The following MRPL3 variants were observed in gnomAD, a reference collection of about 807,000 sequenced individuals.
MRPL3 encodes the protein mitochondrial ribosomal protein L3.
Under a neutral mutation model 44.3 loss-of-function variants are expected in MRPL3, and 43 were observed. The observed-to-expected ratio is 0.97, with a 90% CI of 0.76 to 1.25. MRPL3 has a LOEUF of 1.25. Among genes scored for constraint, MRPL3 ranks in the 50% most tolerant of loss-of-function variants. MRPL3 has a pLI of 0.00. For synonymous variants in MRPL3, 171 were observed against 152.3 expected (o/e 1.12, Z -0.91); for missense variants, 406 against 427.6 (o/e 0.95, Z 0.45).
At position 131,484,443 on chromosome 3, in the gene MRPL3, C is replaced by T. The variant is rs528067215; in HGVS notation, c.629+3237G>A. Among the ~76,000 whole-genome samples the T allele has an allele frequency of 1.1e-4, 17 of 152,306 alleles. No homozygotes were observed. In the East Asian group the frequency reaches 3.1e-3, roughly 28 times the overall value. ...CTGCTCCAGCCTATAAATCCATGTC[C>T]TTTCATCACTCCCTTAACCATGGCA... On this transcript the variant is annotated intron_variant, in intron 6 of 9. Transcript: ENST00000264995.
chr3:131,468,356 T>C (rs1490515264), intron 8 of MRPL3, among the ~76,000 whole-genome samples, 188 bp from the exon 9 acceptor site: 1 of 152,118 alleles, frequency 6.6e-6, no homozygotes, highest in African/African-American at 2.4e-5. Context: ...AGCAAATATA[T>C]CTTATGGAAG....
intron 6 of MRPL3, among the ~76,000 whole-genome samples, chr3:131,482,986 C>CTT (rs3033337): frequency 7.1e-6 from 1 of 140,752 alleles, no homozygotes. Context: ...TTTCATTCTT[C>CTT]TTTTTTTTTT....
At chr3:131,485,893 A>T (rs1934107000) in intron 6 of MRPL3, among the ~76,000 whole-genome samples, 1 of 152,192 alleles carries the variant, frequency 6.6e-6, no homozygotes, top group African/African-American at 2.4e-5. Context: ...TGTGATTACA[A>T]ACTTATCCCA....
chr3:131,497,808 A>T (rs1286998615), intron 4 of MRPL3, among the ~76,000 whole-genome samples: 1 of 152,220 alleles, frequency 6.6e-6, no homozygotes, highest in Non-Finnish European at 1.5e-5. Flanking sequence ...GAAACATAAA[A>T]CAATAACAAA....
chr3:131,502,881 G>T lies in MRPL3; in HGVS notation c.-60C>A. On this transcript the variant is annotated 5_prime_UTR_variant, in exon 1 of 10. Transcript: ENST00000264995. ...GGGCGCCCTGCCGCTCTGCTTTCAG[G>T]GAGTCCCCACGCCACCGCCACGTGG... is the stretch of plus-strand genomic sequence containing the variant. 6.6e-7 allele frequency: 1 copy of T among 1,509,270 alleles called. No individual in the cohort carries two copies. The highest frequency in any genetic ancestry group is 9.1e-7 in the Non-Finnish European group (1 of 1,095,336). The allele number at this position is 1,509,270 out of a possible 1,614,324, so 93.5% of individuals were successfully genotyped here.
intron 6 of MRPL3, among the ~76,000 whole-genome samples, chr3:131,476,681 C>T (rs1186173003): frequency 6.6e-6 from 1 of 152,092 alleles, no homozygotes; most frequent in Admixed American, 6.6e-5. Context: ...AGTATCTATA[C>T]TAAAATATAG....
intron 6 of MRPL3, among the ~76,000 whole-genome samples, chr3:131,485,869 T>A (rs1199342662): frequency 6.6e-6 from 1 of 152,180 alleles, no homozygotes; most frequent in Non-Finnish European, 1.5e-5. Context: ...TAAAAGGTGC[T>A]CTGGCTCAAT....
intron 7 of MRPL3, among the ~76,000 whole-genome samples, chr3:131,470,768 C>T (rs1390765149): frequency 6.6e-6 from 1 of 152,070 alleles, no homozygotes; most frequent in African/African-American, 2.4e-5. Flanking sequence ...CATTTTCATA[C>T]TTTAACGCCC....
At chr3:131,498,118 C>T (rs780809618) in intron 4 of MRPL3, 61 bp downstream of exon 4, 115 of 1,153,140 alleles carry the variant, frequency 1.0e-4, no homozygotes, top group Middle Eastern at 9.7e-4. Flanking sequence ...AAAACATAAA[C>T]TCATCCAGAT....
rs369296340 is a variant in MRPL3 at position 131,494,634 on chromosome 3, AAAT to A, written c.468+3542_468+3544del. ...TAAGTAACTTTTTAGACTAAACCAT[AAAT>A]AGAACCAAGGTAAAACATACTTCTC... On this transcript the variant is annotated intron_variant, in intron 4 of 9. Coordinates refer to ENST00000264995, the MANE Select transcript of MRPL3 (RefSeq NM_007208.4). 2.5e-3 allele frequency among the ~76,000 whole-genome samples: 377 copies of A among 152,310 alleles called. 6 individuals carry two copies. In the South Asian group the frequency reaches 0.032, roughly 13 times the overall value.
Position 131,462,392 on chromosome 3 carries a change from A to C in MRPL3, c.*331T>G, listed in dbSNP as rs1933509989. The C allele has an allele frequency of 5.5e-6, 1 of 181,256 alleles. No homozygotes were observed. Among genetic ancestry groups the C allele is most frequent in the African/African-American group, 2.3e-5 (1 of 42,626 alleles). The allele number at this position is 181,256 out of a possible 1,614,324, so 11.2% of individuals were successfully genotyped here. On this transcript the variant is annotated 3_prime_UTR_variant, in exon 10 of 10. Transcript: ENST00000264995. ...ACCACTATTTCACAAAGATTGACAA[A>C]ACTTTAATAAAAGTTAAATTTACAG... is the stretch of plus-strand genomic sequence containing the variant.
At chr3:131,477,498 A>T (rs1201061810) in intron 6 of MRPL3, among the ~76,000 whole-genome samples, 1 of 152,226 alleles carries the variant, frequency 6.6e-6, no homozygotes, top group East Asian at 1.9e-4. Flanking sequence ...TCTTTTACTA[A>T]AACAGTTTTT....
chr3:131,464,347 T>C (rs921540927), intron 9 of MRPL3, among the ~76,000 whole-genome samples: 2 of 152,208 alleles, frequency 1.3e-5, no homozygotes, highest in African/African-American at 4.8e-5. Context: ...CTAAGTATTA[T>C]AATTCATGGA....
intron 4 of MRPL3, among the ~76,000 whole-genome samples, chr3:131,492,583 C>T (rs555290951): frequency 1.4e-4 from 21 of 152,272 alleles, no homozygotes; most frequent in African/African-American, 4.8e-4. Flanking sequence ...ATCTGACTGA[C>T]AGGAGGTAGA....
intron 6 of MRPL3, among the ~76,000 whole-genome samples, chr3:131,484,188 T>A (rs372850537): frequency 1.3e-5 from 2 of 151,770 alleles, no homozygotes; most frequent in East Asian, 3.9e-4. Context: ...GGTAGAGGAG[T>A]GAGGAGGAAA....
At position 131,468,129 on chromosome 3, in the gene MRPL3, T is replaced by C. The variant is rs1309239020; in HGVS notation, c.856A>G (p.Asn286Asp). 1.3e-6 allele frequency: 2 copies of C among 1,596,944 alleles called. No homozygotes were observed. Among genetic ancestry groups the C allele is most frequent in the Admixed American group, 1.8e-5 (1 of 56,676 alleles). ...TTTTTATGTCCAGGTACAGAGCCATTTACATAGATTATGTTGTGCTTTGTG... is the reference window on the plus strand; with the variant it reads ...TTTTTATGTCCAGGTACAGAGCCATCTACATAGATTATGTTGTGCTTTGTG... ...INTKHNIIYVNGSVPGHKNCL... is the reference protein window; with the variant it reads ...INTKHNIIYVDGSVPGHKNCL... The change falls in exon 9 of 10, where the codon AAT becomes GAT. Residue 286 changes from asparagine (N) to aspartate (D), a missense_variant. Physicochemically the swap from Asn to Asp is conservative, Grantham distance 23 (BLOSUM62 1). Coordinates refer to ENST00000264995, the MANE Select transcript of MRPL3 (RefSeq NM_007208.4).
intron 1 of MRPL3, 78 bp downstream of exon 1, chr3:131,502,652 G>A: frequency 8.1e-7 from 1 of 1,235,594 alleles, no homozygotes; most frequent in South Asian, 1.4e-5. Flanking sequence ...CTCCACCCAG[G>A]GGAGGCCCAA....
At chr3:131,496,872 T>C (rs1934380959) in intron 4 of MRPL3, among the ~76,000 whole-genome samples, 2 of 152,212 alleles carry the variant, frequency 1.3e-5, no homozygotes, top group African/African-American at 2.4e-5. Context: ...CCTCACACAC[T>C]ACCTTGATAG....
In MRPL3 at chr3:131,463,225, C is replaced by A. The variant is rs1654351950; in HGVS notation, c.895-350G>T. Reference sequence around the variant, plus strand: ...TTCATTTTCAAATATAATGACCTGACAAACTAGCATTTTTGTTAGTCTTAA... The same window carrying A: ...TTCATTTTCAAATATAATGACCTGAAAAACTAGCATTTTTGTTAGTCTTAA... On this transcript the variant is annotated intron_variant, in intron 9 of 9. Transcript: ENST00000264995. Among the ~76,000 whole-genome samples the A allele has an allele frequency of 2.0e-5, 3 of 152,056 alleles. No homozygotes were observed. In the South Asian group the frequency reaches 6.2e-4, roughly 31 times the overall value.
Sources: gnomAD v4.1 joint callset for allele counts (sites outside exome capture counted in the v4.1 genomes callset) on GRCh38, gnomAD v4.1.1 for gene constraint, MANE v1.5 for transcripts, NCBI Gene and HGNC (gene_info 2026-07-23, HGNC 2026-07-21) for gene names.